The following TPD52L1 variants were observed in gnomAD, a reference collection of about 807,000 sequenced individuals.
TPD52L1 encodes TPD52 like 1, also known as tumor protein D53.
A neutral mutation model predicts 28.7 loss-of-function variants in TPD52L1; 18 were observed. The observed-to-expected ratio is 0.63, with a 90% CI of 0.43 to 0.93. The LOEUF (loss-of-function observed/expected upper bound fraction) is 0.93, where lower values mean the gene tolerates loss of function less well. Ranked by LOEUF, TPD52L1 falls within the 40% of genes least tolerant of loss-of-function variation. TPD52L1 has a pLI of 0.00. For missense variants in TPD52L1, 203 were observed against 254.8 expected (o/e 0.80, Z 1.39); for synonymous variants, 75 against 88.8 (o/e 0.84, Z 0.88).
At chr6:125,258,732 T>C (rs568400722) in intron 6 of TPD52L1, among the ~76,000 whole-genome samples, 1 of 152,304 alleles carries the variant, frequency 6.6e-6, no homozygotes, top group Non-Finnish European at 1.5e-5. Flanking sequence ...CTCACTTGGA[T>C]AGAAGGTATA....
intron 1 of TPD52L1, among the ~76,000 whole-genome samples, chr6:125,169,724 C>T (rs1460351611): frequency 6.6e-6 from 1 of 152,166 alleles, no homozygotes; most frequent in Admixed American, 6.5e-5. Context: ...TAGCAGGCCT[C>T]CCTGCCTTGG....
intron 1 of TPD52L1, among the ~76,000 whole-genome samples, chr6:125,206,502 G>GA (rs1794151871): frequency 6.6e-6 from 1 of 152,054 alleles, no homozygotes; most frequent in Non-Finnish European, 1.5e-5. Flanking sequence ...GAGAAACAGA[G>GA]GAAAAAGAGG....
At chr6:125,260,858 GAGAAAGAAAGAAA>G (rs1334626472) in intron 6 of TPD52L1, among the ~76,000 whole-genome samples, 2 of 144,868 alleles carry the variant, frequency 1.4e-5, no homozygotes, top group East Asian at 2.0e-4. Context: ...AAGTGAGAGA[GAGAAAGAAAGAAA>G]AGAAAGAAAG....
intron 4 of TPD52L1, among the ~76,000 whole-genome samples, chr6:125,249,874 G>A (rs73771301): frequency 0.015 from 2,328 of 152,048 alleles, 73 homozygotes; most frequent in African/African-American, 0.054. Context: ...AAGGACATGT[G>A]CATGAATCTG....
At chr6:125,182,368 T>G (rs1240632124) in intron 1 of TPD52L1, among the ~76,000 whole-genome samples, 4 of 152,166 alleles carry the variant, frequency 2.6e-5, no homozygotes. Context: ...TTAGGAATCG[T>G]GAGCTGGAGT....
At chr6:125,232,852 T>C (rs1796029818) in intron 3 of TPD52L1, among the ~76,000 whole-genome samples, 2 of 152,248 alleles carry the variant, frequency 1.3e-5, no homozygotes, top group African/African-American at 4.8e-5. Flanking sequence ...CTTGTCATAG[T>C]TTTTTACTTG....
At chr6:125,235,040 G>T (rs1796173802) in intron 3 of TPD52L1, among the ~76,000 whole-genome samples, 1 of 151,582 alleles carries the variant, frequency 6.6e-6, no homozygotes, top group African/African-American at 2.4e-5. Context: ...GCTGCAATGA[G>T]CCATGTTCAC....
chr6:125,251,676 A>G (rs1213591386), intron 4 of TPD52L1, among the ~76,000 whole-genome samples: 3 of 152,194 alleles, frequency 2.0e-5, no homozygotes, highest in African/African-American at 7.2e-5. Flanking sequence ...AAGAAATCCA[A>G]GCGGTTGGAA....
intron 3 of TPD52L1, among the ~76,000 whole-genome samples, chr6:125,243,765 G>A (rs1347203676): frequency 6.6e-6 from 1 of 151,858 alleles, no homozygotes; most frequent in East Asian, 1.9e-4. Context: ...GTATCTCCTT[G>A]AGTAGCACAA....
At chr6:125,170,557 T>TAC (rs1416534592) in intron 1 of TPD52L1, among the ~76,000 whole-genome samples, 1 of 151,944 alleles carries the variant, frequency 6.6e-6, no homozygotes. Flanking sequence ...TAACAAGTAA[T>TAC]ACCCAGCCCT....
chr6:125,203,750 C>CAGACTTCAGGGTCT, intron 1 of TPD52L1: 1 of 985,456 alleles, frequency 1.0e-6, no homozygotes, highest in Non-Finnish European at 1.2e-6. Context: ...TGAAGTTCTA[C>CAGACTTCAGGGTCT]ACAGACCCTG....
At chr6:125,168,361 A>T (rs1791045782) in intron 1 of TPD52L1, among the ~76,000 whole-genome samples, 1 of 151,800 alleles carries the variant, frequency 6.6e-6, no homozygotes, top group Middle Eastern at 3.2e-3. Flanking sequence ...CACCACAGGG[A>T]TATCTTCTCT....
chr6:125,253,224 T>A (rs1797386050), intron 4 of TPD52L1: 1 of 163,008 alleles, frequency 6.1e-6, no homozygotes, highest in African/African-American at 2.4e-5. Flanking sequence ...CTATGAGAAC[T>A]GTGTTTGCCT....
intron 5 of TPD52L1, among the ~76,000 whole-genome samples, chr6:125,255,595 C>T (rs917416385): frequency 2.6e-5 from 4 of 152,112 alleles, no homozygotes; most frequent in African/African-American, 9.7e-5. Context: ...GGAGACAATC[C>T]CCAAATTCAC....
chr6:125,228,371 T>C (rs1425742484), intron 2 of TPD52L1, among the ~76,000 whole-genome samples: 1 of 152,366 alleles, frequency 6.6e-6, no homozygotes, highest in East Asian at 1.9e-4. Context: ...CAGCTTATTG[T>C]ATGACAGTTA....
In TPD52L1 at chr6:125,189,090, A is replaced by G. The variant is rs527948371; in HGVS notation, c.20-30988A>G. ...TCATGAGAAGACTGGTCATCTTGGTATAAATAGAAGGCATCTCAGTTGATT... is the reference window on the plus strand; with the variant it reads ...TCATGAGAAGACTGGTCATCTTGGTGTAAATAGAAGGCATCTCAGTTGATT... On this transcript the variant is annotated intron_variant, in intron 1 of 6. Transcript: ENST00000534000. Among the ~76,000 whole-genome samples, 7 of 152,352 alleles carry G rather than the reference A, an allele frequency of 4.6e-5. No individual in the cohort carries two copies. In the South Asian group the frequency reaches 1.2e-3, roughly 27 times the overall value.
At chr6:125,251,902 G>A (rs894742905) in intron 4 of TPD52L1, 2 of 951,334 alleles carry the variant, frequency 2.1e-6, no homozygotes, top group Non-Finnish European at 3.2e-6. Context: ...GGTAAATGAA[G>A]CTACCCTGTC....
chr6:125,220,029 T>G (rs1482062653), intron 1 of TPD52L1, 49 bp from the exon 2 acceptor site: 1 of 1,400,524 alleles, frequency 7.1e-7, no homozygotes, highest in South Asian at 1.2e-5. Flanking sequence ...AGAAGTTGGT[T>G]TAAATTCACT....
chr6:125,203,348 G>A (rs900560071), intron 1 of TPD52L1, among the ~76,000 whole-genome samples: 1 of 151,838 alleles, frequency 6.6e-6, no homozygotes, highest in Non-Finnish European at 1.5e-5. Flanking sequence ...CAAATTTGTG[G>A]CTGCTGTGTT....
Sources: allele counts gnomAD v4.1 joint callset (sites outside exome capture counted in the v4.1 genomes callset), GRCh38; gene constraint gnomAD v4.1.1; transcripts MANE v1.5; gene names NCBI Gene and HGNC (gene_info 2026-07-23, HGNC 2026-07-21).